METTL8: variants seen among roughly 807,000 people sequenced by gnomAD.
The protein encoded by METTL8 is methyltransferase 8, tRNA N3-cytidine, also known as tRNA N(3)-cytidine methyltransferase METTL8, mitochondrial.
METTL8 carries 32 observed loss-of-function variants against 48.7 expected under a neutral mutation model. The ratio of observed to expected loss-of-function variants is 0.66; its 90% CI spans 0.50 to 0.88. METTL8 has a LOEUF of 0.88. METTL8 is among the 40% of genes least tolerant of loss of function. The probability of loss-of-function intolerance (pLI) is 0.00; values close to 1 mark genes in which losing one functional copy is unlikely to be tolerated. For missense variants in METTL8, 464 were observed against 474.4 expected (o/e 0.98, Z 0.20); for synonymous variants, 136 against 157.1 (o/e 0.87, Z 1.01).
intron 2 of METTL8, among the ~76,000 whole-genome samples, chr2:171,372,277 A>T (rs1686440410): frequency 6.6e-6 from 1 of 152,106 alleles, no homozygotes; most frequent in Non-Finnish European, 1.5e-5. Context: ...TAGGTACATA[A>T]GGAAGGGGGC....
chr2:171,368,904 G>C (rs750823676), intron 2 of METTL8, among the ~76,000 whole-genome samples: 3 of 151,934 alleles, frequency 2.0e-5, no homozygotes, highest in African/African-American at 7.3e-5. Context: ...AATATAAAAA[G>C]TTCCGTGATA....
chr2:171,318,777 C>T lies in METTL8; in HGVS notation c.*5395G>A, dbSNP rs1684383769. 6.6e-6 allele frequency: 1 copy of T among 151,922 alleles called. No homozygotes were observed. The highest frequency in any genetic ancestry group is 2.4e-5 in the African/African-American group (1 of 41,352). The allele number at this position is 151,922 out of a possible 1,614,324, so 9.4% of individuals were successfully genotyped here. A position where few individuals can be genotyped will look rare whatever the true frequency, so the allele number is the denominator to read the frequency against. On this transcript the variant is annotated 3_prime_UTR_variant, in exon 10 of 10. Coordinates refer to ENST00000375258, the MANE Select transcript of METTL8 (RefSeq NM_001321154.2). ...TCCACTGCTATCGTTTTCTGCTTGA[C>T]TCAGAAAGCTCTTTCTTCCCTGGTG...
intron 3 of METTL8, among the ~76,000 whole-genome samples, chr2:171,341,834 TAC>T (rs56145145): frequency 0.32 from 47,278 of 146,900 alleles, 7,757 homozygotes; most frequent in African/African-American, 0.42. Context: ...AATATTCATG[TAC>T]ACACACACAC....
At chr2:171,434,328 A>C, upstream of METTL8, 1 of 677,684 alleles carries the variant, frequency 1.5e-6, no homozygotes, top group Non-Finnish European at 2.6e-6. Context: ...GTCAGCGGCC[A>C]GAGAGCCTGG....
chr2:171,368,725 A>C (rs1187584305), intron 2 of METTL8, among the ~76,000 whole-genome samples: 1 of 152,184 alleles, frequency 6.6e-6, no homozygotes, highest in African/African-American at 2.4e-5. Context: ...TGCAAGGTAT[A>C]CCAGTGTATC....
chr2:171,354,278 A>G (rs1220736848), intron 3 of METTL8, among the ~76,000 whole-genome samples: 1 of 152,200 alleles, frequency 6.6e-6, no homozygotes, highest in Non-Finnish European at 1.5e-5. Context: ...AGAATGTTGA[A>G]TATCGGCCCC....
intron 1 of METTL8, among the ~76,000 whole-genome samples, chr2:171,404,064 T>C (rs1689917296): frequency 1.9e-5 from 1 of 53,530 alleles, no homozygotes; most frequent in South Asian, 6.8e-4. Flanking sequence ...TATATATATA[T>C]ATATATATAT....
chr2:171,406,149 A>G (rs1489578958), intron 1 of METTL8, among the ~76,000 whole-genome samples: 1 of 152,210 alleles, frequency 6.6e-6, no homozygotes, highest in Non-Finnish European at 1.5e-5. Flanking sequence ...CCCTATGCTA[A>G]GCCAATCGGC....
intron 1 of METTL8, among the ~76,000 whole-genome samples, chr2:171,417,100 A>T (rs957282766): frequency 6.6e-6 from 1 of 152,230 alleles, no homozygotes; most frequent in African/African-American, 2.4e-5. Context: ...CTGAAAACCA[A>T]ATAAAATTAA....
intron 1 of METTL8, among the ~76,000 whole-genome samples, chr2:171,420,270 T>A (rs1294964706): frequency 1.3e-5 from 2 of 152,208 alleles, no homozygotes; most frequent in Non-Finnish European, 2.9e-5. Context: ...GTGCTGGCAC[T>A]AGAACTTGTA....
chr2:171,413,759 T>C (rs969905360), intron 1 of METTL8, among the ~76,000 whole-genome samples: 5 of 152,122 alleles, frequency 3.3e-5, no homozygotes, highest in African/African-American at 1.2e-4. Context: ...CTGGGTGATA[T>C]GGATAGCGGA....
At chr2:171,366,618 A>G (rs1685740937) in intron 2 of METTL8, among the ~76,000 whole-genome samples, 1 of 152,214 alleles carries the variant, frequency 6.6e-6, no homozygotes, top group African/African-American at 2.4e-5. Flanking sequence ...AAAGATTTAA[A>G]GAAAAAGATG....
intron 1 of METTL8, among the ~76,000 whole-genome samples, chr2:171,416,959 C>T (rs149075258): frequency 2.3e-4 from 35 of 152,350 alleles, no homozygotes; most frequent in Non-Finnish European, 4.1e-4. Flanking sequence ...ATACATCCCA[C>T]TTTTGCTTCA....
chr2:171,360,561 G>T, intron 2 of METTL8, 48 bp from the exon 3 acceptor site: 1 of 1,526,092 alleles, frequency 6.6e-7, no homozygotes, highest in Non-Finnish European at 9.0e-7. Context: ...ATTGAAGAAG[G>T]CAGAAAAAAG....
chr2:171,326,147 T>A lies in METTL8; in HGVS notation c.862A>T (p.Met288Leu). 1 of 1,502,024 alleles carries A rather than the reference T, an allele frequency of 6.7e-7. No individual in the cohort carries two copies. The highest frequency in any genetic ancestry group is 9.0e-7 in the Non-Finnish European group (1 of 1,106,886). The allele number at this position is 1,502,024 out of a possible 1,614,324, so 93.0% of individuals were successfully genotyped here. A position where few individuals can be genotyped will look rare whatever the true frequency, so the allele number is the denominator to read the frequency against. ...GACAGTCGGTTTACAACACCTTGCA[T>A]CCTTTGGAAACAAAGTATTAAAAAG... The part of the protein sequence containing the change: ...FVLSSIHPDR[M>L]QGVVNRLSKL... The change falls in exon 8 of 10, where the codon ATG (methionine) becomes TTG (leucine). Residue 288 changes from methionine (M) to leucine (L), a missense_variant and splice_region_variant. Coordinates refer to ENST00000375258, the MANE Select transcript of METTL8 (RefSeq NM_001321154.2).
intron 2 of METTL8, among the ~76,000 whole-genome samples, chr2:171,365,625 A>G (rs1167347761): frequency 6.6e-6 from 1 of 152,196 alleles, no homozygotes; most frequent in Non-Finnish European, 1.5e-5. Flanking sequence ...ACACAAAGTC[A>G]TATTTATTAC....
intron 2 of METTL8, among the ~76,000 whole-genome samples, chr2:171,379,203 A>T (rs1687270853): frequency 6.6e-6 from 1 of 152,212 alleles, no homozygotes; most frequent in Non-Finnish European, 1.5e-5. Flanking sequence ...AACTTCTTTA[A>T]AACCAGTGAG....
chr2:171,339,641 C>T, intron 3 of METTL8, 87 bp from the exon 4 acceptor site: 2 of 596,574 alleles, frequency 3.4e-6, no homozygotes, highest in Admixed American at 3.5e-5. Context: ...TAAACATATA[C>T]ATTATCATTT....
In METTL8 at chr2:171,316,052, G is replaced by C. The variant is rs981322795; in HGVS notation, c.*8120C>G. ...CAAAGAGGTAATTCTTTATTCTCGA[G>C]AGCTTCCTCGTGCACATGATCAGCT... On this transcript the variant is annotated 3_prime_UTR_variant, in exon 10 of 10. Transcript: ENST00000375258. Among the ~76,000 whole-genome samples the C allele has an allele frequency of 2.0e-5, 3 of 152,232 alleles. No individual in the cohort carries two copies. Among genetic ancestry groups the C allele is most frequent in the Non-Finnish European group, 4.4e-5 (3 of 68,040 alleles).
Sources: gnomAD v4.1 joint callset for allele counts (sites outside exome capture counted in the v4.1 genomes callset) on GRCh38, gnomAD v4.1.1 for gene constraint, MANE v1.5 for transcripts, NCBI Gene and HGNC (gene_info 2026-07-23, HGNC 2026-07-21) for gene names.